Variants in DNAJC3 observed in about 807,000 individuals in gnomAD.
DNAJC3 encodes the protein DnaJ heat shock protein family (Hsp40) member C3.
Under a neutral mutation model 68.6 loss-of-function variants are expected in DNAJC3, and 38 were observed. The ratio of observed to expected loss-of-function variants is 0.55; its 90% CI spans 0.43 to 0.73. The LOEUF is 0.73. Among genes scored for constraint, DNAJC3 ranks in the 30% least tolerant of loss-of-function variants. The probability of loss-of-function intolerance (pLI) is 0.00; values close to 1 mark genes in which losing one functional copy is unlikely to be tolerated. For missense variants in DNAJC3, 526 were observed against 591.9 expected (o/e 0.89, Z 1.16); for synonymous variants, 203 against 204.0 (o/e 1.00, Z 0.04).
intron 9 of DNAJC3, among the ~76,000 whole-genome samples, chr13:95,776,801 T>G (rs1883305858): frequency 6.6e-6 from 1 of 152,210 alleles, no homozygotes; most frequent in Admixed American, 6.5e-5. Flanking sequence ...CTTTGTAATA[T>G]TACTCAATTT....
At chr13:95,751,969 G>A (rs906378342) in intron 4 of DNAJC3, among the ~76,000 whole-genome samples, 24 of 152,258 alleles carry the variant, frequency 1.6e-4, no homozygotes, top group South Asian at 4.2e-4. Context: ...ACCCACTCCC[G>A]TGATACAATT....
At chr13:95,785,452 C>CTTTTTTTTTTTT (rs36052714) in intron 9 of DNAJC3, among the ~76,000 whole-genome samples, 3 of 77,926 alleles carry the variant, frequency 3.8e-5, no homozygotes, top group African/African-American at 1.1e-4. Flanking sequence ...CCTTTTAAAC[C>CTTTTTTTTTTTT]TTTTTTTTTT....
At chr13:95,733,816 C>G (rs1881795343) in intron 4 of DNAJC3, among the ~76,000 whole-genome samples, 1 of 143,908 alleles carries the variant, frequency 6.9e-6, no homozygotes, top group African/African-American at 2.6e-5. Context: ...GGAATGTCTT[C>G]TGTCCCTTTA....
intron 7 of DNAJC3, 116 bp downstream of exon 7, chr13:95,760,914 A>G: frequency 7.0e-7 from 1 of 1,420,396 alleles, no homozygotes. Context: ...GGTATTCTAG[A>G]TAGCCCTGGG....
At chr13:95,742,551 C>T in intron 4 of DNAJC3, 1 of 432,906 alleles carries the variant, frequency 2.3e-6, no homozygotes, top group Non-Finnish European at 4.5e-6. Flanking sequence ...CACTTACTTA[C>T]TTTTTCCCCA....
chr13:95,785,265 C>T (rs1883565260), intron 9 of DNAJC3, among the ~76,000 whole-genome samples: 2 of 151,972 alleles, frequency 1.3e-5, no homozygotes, highest in African/African-American at 4.8e-5. Context: ...GTCTTTCTTT[C>T]CTGTGTAACA....
At chr13:95,729,106 C>T (rs1881620534) in intron 4 of DNAJC3, among the ~76,000 whole-genome samples, 1 of 152,228 alleles carries the variant, frequency 6.6e-6, no homozygotes, top group East Asian at 1.9e-4. Context: ...CCTCCAGTTC[C>T]ATCCATGTGG....
At chr13:95,716,737 G>A (rs1451661737) in intron 2 of DNAJC3, among the ~76,000 whole-genome samples, 2 of 152,200 alleles carry the variant, frequency 1.3e-5, no homozygotes, top group African/African-American at 2.4e-5. Flanking sequence ...TGCCATCGCT[G>A]CTCTGCCAGT....
At chr13:95,772,193 C>G (rs1380559945) in intron 9 of DNAJC3, among the ~76,000 whole-genome samples, 1 of 152,256 alleles carries the variant, frequency 6.6e-6, no homozygotes, top group East Asian at 1.9e-4. Flanking sequence ...CACTTTTCCA[C>G]TATAAAAAAG....
intron 2 of DNAJC3, among the ~76,000 whole-genome samples, chr13:95,715,846 C>T (rs372016318): frequency 2.7e-5 from 4 of 150,780 alleles, no homozygotes; most frequent in African/African-American, 9.7e-5. Flanking sequence ...ACACATTGTT[C>T]ATAACAAACT....
intron 4 of DNAJC3, among the ~76,000 whole-genome samples, chr13:95,739,953 T>G (rs1451124439): frequency 6.6e-6 from 1 of 152,196 alleles, no homozygotes; most frequent in Non-Finnish European, 1.5e-5. Context: ...TTATCTACTT[T>G]TGGTCTTTGA....
intron 2 of DNAJC3, among the ~76,000 whole-genome samples, chr13:95,710,640 T>C (rs1401044335): frequency 3.3e-5 from 5 of 152,128 alleles, no homozygotes; most frequent in South Asian, 2.1e-4. Context: ...TGAGAGTGTG[T>C]AGTTAACAAC....
chr13:95,688,961 T>TGC (rs1880148866), intron 1 of DNAJC3, among the ~76,000 whole-genome samples: 1 of 147,588 alleles, frequency 6.8e-6, no homozygotes, highest in African/African-American at 2.5e-5. Context: ...TGTGTGTGTG[T>TGC]GTGTGCGCGC....
At chr13:95,755,756 CAAAAAAAAAAAAA>C (rs56659621) in intron 4 of DNAJC3, among the ~76,000 whole-genome samples, 10 of 15,088 alleles carry the variant, frequency 6.6e-4, no homozygotes, top group Admixed American at 9.9e-4. Flanking sequence ...GACGCCGTCT[CAAAAAAAAAAAAA>C]AAAAAAAAAA....
At chr13:95,790,380 C>A (rs7338266) in intron 11 of DNAJC3, among the ~76,000 whole-genome samples, 75,045 of 151,772 alleles carry the variant, frequency 0.49, 18,648 homozygotes, top group East Asian at 0.65. Context: ...GAAAGGTGAA[C>A]CTCCTGGAGT....
chr13:95,684,608 T>G (rs1292803928), intron 1 of DNAJC3, among the ~76,000 whole-genome samples: 1 of 152,200 alleles, frequency 6.6e-6, no homozygotes, highest in Non-Finnish European at 1.5e-5. Flanking sequence ...AGCCAAGTGC[T>G]GATAGCCAAG....
At position 95,791,102 on chromosome 13, in the gene DNAJC3, A is replaced by C; in HGVS notation, c.*72A>C. The stretch of plus-strand genomic sequence containing the variant: ...AAAGAAATCTTGTTCCGGGACCCTA[A>C]TGAAAAAAAATTTCAAATCTTTTCA... On this transcript the variant is annotated 3_prime_UTR_variant, in exon 12 of 12. Transcript: ENST00000602402. 4 of 1,552,092 alleles carry C rather than the reference A, an allele frequency of 2.6e-6. No homozygotes were observed. Among genetic ancestry groups the C allele is most frequent in the Non-Finnish European group, 3.5e-6 (4 of 1,143,496 alleles).
rs1180653033 is a variant in DNAJC3 at position 95,763,888 on chromosome 13, C to G, written c.1010C>G (p.Pro337Arg). Residue 337 changes from proline (P) to arginine (R), a missense_variant, in exon 9 of 12, where the codon CCT (proline) becomes CGT (arginine). Coordinates refer to ENST00000602402, the MANE Select transcript of DNAJC3 (RefSeq NM_006260.5). ...RVCSEVLQME[P>R]DNVNALKDRA... ...TGTTCTGAAGTTTTACAGATGGAACCTGACAATGTGAATGCCCTGAAAGAT... is the reference window on the plus strand; with the variant it reads ...TGTTCTGAAGTTTTACAGATGGAACGTGACAATGTGAATGCCCTGAAAGAT... The G allele has an allele frequency of 5.0e-6, 8 of 1,613,930 alleles. No individual in the cohort carries two copies. Among genetic ancestry groups the G allele is most frequent in the Non-Finnish European group, 6.8e-6 (8 of 1,179,978 alleles).
chr13:95,718,028 G>T (rs1881207611), intron 2 of DNAJC3, among the ~76,000 whole-genome samples: 1 of 152,128 alleles, frequency 6.6e-6, no homozygotes. Context: ...TATTTGAATT[G>T]TTTGATAGTT....
Sources: allele counts gnomAD v4.1 joint callset (sites outside exome capture counted in the v4.1 genomes callset), GRCh38; gene constraint gnomAD v4.1.1; transcripts MANE v1.5; gene names NCBI Gene and HGNC (gene_info 2026-07-23, HGNC 2026-07-21).